The following TCERG1 variants were observed in gnomAD, a reference collection of about 807,000 sequenced individuals.
TCERG1 encodes the protein transcription elongation regulator 1, also known as TATA box binding protein (TBP)-associated factor, RNA polymerase II, S, 150kD.
A neutral mutation model predicts 144.7 loss-of-function variants in TCERG1; 37 were observed. The ratio of observed to expected loss-of-function variants is 0.26; its 90% CI spans 0.20 to 0.34. TCERG1 has a LOEUF of 0.34. Among genes scored for constraint, TCERG1 ranks in the 10% least tolerant of loss-of-function variants. The probability of loss-of-function intolerance (pLI) is 1.00; values close to 1 mark genes in which losing one functional copy is unlikely to be tolerated. For synonymous variants in TCERG1, 492 were observed against 458.2 expected (o/e 1.07, Z -0.94); for missense variants, 1,027 against 1,380.7 (o/e 0.74, Z 4.06).
intron 4 of TCERG1, among the ~76,000 whole-genome samples, chr5:146,461,692 A>G (rs1196793483): frequency 6.6e-6 from 1 of 152,146 alleles, no homozygotes; most frequent in Non-Finnish European, 1.5e-5. Flanking sequence ...TTGGATCACA[A>G]TTTTAGCAAT....
chr5:146,454,594 T>G (rs531180312), intron 1 of TCERG1, among the ~76,000 whole-genome samples: 268 of 151,848 alleles, frequency 1.8e-3, no homozygotes, highest in African/African-American at 5.8e-3. Context: ...TTTTTGGTTG[T>G]TTGTTTGTTT....
intron 16 of TCERG1, 146 bp downstream of exon 16, chr5:146,493,184 TC>T (rs1216653554): frequency 6.8e-6 from 4 of 586,208 alleles, no homozygotes; most frequent in Non-Finnish European, 1.2e-5. Context: ...AAATTTCTAA[TC>T]TTTATTTTTT....
intron 15 of TCERG1, among the ~76,000 whole-genome samples, chr5:146,487,176 T>C (rs939164215): frequency 6.6e-6 from 1 of 152,114 alleles, no homozygotes; most frequent in South Asian, 2.1e-4. Flanking sequence ...GTGAACTAGC[T>C]GAAAAAGAAA....
intron 1 of TCERG1, among the ~76,000 whole-genome samples, chr5:146,452,467 A>C (rs1028162823): frequency 6.6e-6 from 1 of 152,166 alleles, no homozygotes; most frequent in African/African-American, 2.4e-5. Flanking sequence ...TCATGCAACA[A>C]ATACTAATAC....
intron 17 of TCERG1, among the ~76,000 whole-genome samples, chr5:146,499,238 A>C (rs938924937): frequency 6.6e-6 from 1 of 152,228 alleles, no homozygotes; most frequent in East Asian, 1.9e-4. Flanking sequence ...AGATGACCCC[A>C]GTGGTGTGTG....
chr5:146,501,068 T>C (rs769435651), intron 17 of TCERG1, among the ~76,000 whole-genome samples: 2 of 152,012 alleles, frequency 1.3e-5, no homozygotes, highest in Non-Finnish European at 2.9e-5. Flanking sequence ...ATTCTTAAGC[T>C]ATTTTATTGT....
Position 146,458,734 on chromosome 5 carries a change from C to G in TCERG1, c.439-150C>G. 3 of 1,161,406 alleles carry G rather than the reference C, an allele frequency of 2.6e-6. No individual in the cohort carries two copies. The South Asian group carries it at 4.9e-5, about 19-fold the overall frequency. The allele number at this position is 1,161,406 out of a possible 1,614,324, so 71.9% of individuals were successfully genotyped here. ...CTTTAAGTGATCCACCTGCCTCTGC[C>G]TCCCAAAGTGCTGGGATTACAGGAA... is the stretch of plus-strand genomic sequence containing the variant. On this transcript the variant is annotated intron_variant, in intron 3 of 22. Transcript: ENST00000679501.
intron 16 of TCERG1, among the ~76,000 whole-genome samples, chr5:146,494,425 C>G (rs1766700711): frequency 1.3e-5 from 2 of 152,068 alleles, no homozygotes; most frequent in Admixed American, 1.3e-4. Flanking sequence ...AGAGATTTCC[C>G]TTGGTAGATA....
At chr5:146,452,708 G>C (rs1339674863) in intron 1 of TCERG1, among the ~76,000 whole-genome samples, 6 of 152,194 alleles carry the variant, frequency 3.9e-5, no homozygotes, top group Admixed American at 3.9e-4. Context: ...TTCTGCTTCC[G>C]CCTCCCAAGT....
intron 5 of TCERG1, among the ~76,000 whole-genome samples, chr5:146,464,382 A>G (rs545152617): frequency 6.6e-6 from 1 of 152,234 alleles, no homozygotes; most frequent in Non-Finnish European, 1.5e-5. Flanking sequence ...TTAACTATAA[A>G]ACAATTCATA....
At position 146,498,638 on chromosome 5, in the gene TCERG1, C is replaced by T. The variant is rs745979673; in HGVS notation, c.2385C>T (p.Ala795=). 3.7e-5 allele frequency: 60 copies of T among 1,609,192 alleles called. No individual in the cohort carries two copies. In the South Asian group the frequency reaches 5.3e-4, roughly 14 times the overall value. ...AAGCCTTGTTTAATGAGTTTGTGGCCGCTGCTAGGAAGAAAGAGAAAGAAG... is the reference window on the plus strand; with the variant it reads ...AAGCCTTGTTTAATGAGTTTGTGGCTGCTGCTAGGAAGAAAGAGAAAGAAG... The part of the protein sequence containing the change: ...DREALFNEFV[A]AARKKEKEDS... The change falls in exon 17 of 23, where the codon GCC becomes GCT. Residue 795 remains alanine (A), a synonymous_variant. Coordinates refer to ENST00000679501, the MANE Select transcript of TCERG1 (RefSeq NM_001382548.1).
Position 146,456,062 on chromosome 5 carries a change from A to AATGAATTAT in TCERG1, c.285+783_285+791dup, listed in dbSNP as rs1561634141. Among the ~76,000 whole-genome samples the AATGAATTAT allele has an allele frequency of 2.0e-5, 3 of 152,346 alleles. No individual in the cohort carries two copies. In the South Asian group the frequency reaches 6.2e-4, roughly 32 times the overall value. On this transcript the variant is annotated intron_variant, in intron 2 of 22. Transcript: ENST00000679501. ...CCTTCCATTAGCTTAGACAGTGAAG[A>AATGAATTAT]ATGAATTATACTAAAAATGGAAGAA...
At chr5:146,456,570 A>G (rs549198212) in intron 2 of TCERG1, among the ~76,000 whole-genome samples, 2 of 152,212 alleles carry the variant, frequency 1.3e-5, no homozygotes, top group Non-Finnish European at 2.9e-5. Context: ...AAGATACTCA[A>G]CTGAATCCAG....
rs751123418 is a variant in TCERG1 at position 146,457,303 on chromosome 5, A to T, written c.406A>T (p.Ile136Leu). ...GTPALPPTEEIWVENKTPDGK... is the reference protein window; with the variant it reads ...GTPALPPTEELWVENKTPDGK... ...TCCAGCACTACCTCCTACGGAGGAG[A>T]TATGGGTTGAAAATAAAACTCCAGA... The change falls in exon 3 of 23, where the codon ATA becomes TTA. Residue 136 changes from isoleucine to leucine, a missense_variant. By Grantham distance (5) the Ile-to-Leu change is conservative (BLOSUM62 2). This residue lies in a region of TCERG1 where 175 missense variants were observed against 197.0 expected (regional missense o/e 0.89). Coordinates refer to ENST00000679501, the MANE Select transcript of TCERG1 (RefSeq NM_001382548.1). 6.2e-7 allele frequency: 1 copy of T among 1,611,890 alleles called. No individual in the cohort carries two copies. The highest frequency in any genetic ancestry group is 1.1e-5 in the South Asian group (1 of 90,630).
At chr5:146,503,291 T>C in intron 17 of TCERG1, 84 bp from the exon 18 acceptor site, 1 of 1,348,670 alleles carries the variant, frequency 7.4e-7, no homozygotes, top group Non-Finnish European at 1.0e-6. Context: ...GAACTTTTTT[T>C]CTAGTTGTAA....
At chr5:146,447,906 C>T (rs1035889159) in intron 1 of TCERG1, among the ~76,000 whole-genome samples, 1 of 152,270 alleles carries the variant, frequency 6.6e-6, no homozygotes. Flanking sequence ...TCATTTCATC[C>T]CCCTCATTGC....
intron 4 of TCERG1, 106 bp from the exon 5 acceptor site, chr5:146,463,445 G>T: frequency 6.6e-7 from 1 of 1,520,308 alleles, no homozygotes. Flanking sequence ...GCAGTGCATA[G>T]AATGGTCCCT....
intron 15 of TCERG1, among the ~76,000 whole-genome samples, chr5:146,487,578 T>C (rs1435448410): frequency 6.6e-6 from 1 of 152,004 alleles, no homozygotes; most frequent in East Asian, 1.9e-4. Flanking sequence ...TACAAAAAAA[T>C]GCAAGAACTA....
At chr5:146,496,222 A>G (rs1374369376) in intron 16 of TCERG1, among the ~76,000 whole-genome samples, 1 of 152,238 alleles carries the variant, frequency 6.6e-6, no homozygotes, top group Non-Finnish European at 1.5e-5. Flanking sequence ...ATTAGCCCTC[A>G]TAAGCCTCAT....
Sources: gnomAD v4.1 joint callset for allele counts (sites outside exome capture counted in the v4.1 genomes callset) on GRCh38, gnomAD v4.1.1 for gene constraint, gnomAD v4.1.1 regional missense constraint, MANE v1.5 for transcripts, NCBI Gene and HGNC (gene_info 2026-07-23, HGNC 2026-07-21) for gene names.